SLC25A21: variants seen among roughly 807,000 people sequenced by gnomAD.
SLC25A21 encodes the protein solute carrier family 25 member 21, also known as mitochondrial 2-oxodicarboxylate carrier.
In SLC25A21, 47 loss-of-function variants were observed where a neutral mutation model predicts 43.8. The observed-to-expected ratio is 1.07, with a 90% CI of 0.85 to 1.37. The LOEUF is 1.37. SLC25A21 is among the 40% of genes most tolerant of loss of function. The pLI is 0.00. For missense variants in SLC25A21, 352 were observed against 350.2 expected (o/e 1.00, Z -0.04); for synonymous variants, 131 against 121.3 (o/e 1.08, Z -0.52).
chr14:36,861,022 A>G (rs1890051229), intron 2 of SLC25A21, among the ~76,000 whole-genome samples: 1 of 152,210 alleles, frequency 6.6e-6, no homozygotes, highest in Non-Finnish European at 1.5e-5. Flanking sequence ...AACTTGGCCC[A>G]GAGTATGTAG....
intron 6 of SLC25A21, chr14:36,725,066 CTT>C (rs1884537692): frequency 6.6e-6 from 1 of 152,266 alleles, no homozygotes; most frequent in Non-Finnish European, 1.5e-5. Flanking sequence ...TTTGTTAACA[CTT>C]TACTTGCAGG....
intron 1 of SLC25A21, among the ~76,000 whole-genome samples, chr14:36,985,372 AT>A (rs1048570846): frequency 1.1e-4 from 17 of 152,072 alleles, no homozygotes; most frequent in African/African-American, 3.9e-4. Context: ...TTTAAAAAAA[AT>A]GTGAACCATG....
chr14:36,685,050 G>T, intron 7 of SLC25A21, 125 bp from the exon 8 acceptor site: 1 of 656,806 alleles, frequency 1.5e-6, no homozygotes, highest in Non-Finnish European at 2.4e-6. Flanking sequence ...TTATTCCAGC[G>T]GAACACATTA....
intron 1 of SLC25A21, among the ~76,000 whole-genome samples, chr14:37,158,768 A>C (rs2138945346): frequency 6.6e-6 from 1 of 152,300 alleles, no homozygotes; most frequent in East Asian, 1.9e-4. Flanking sequence ...AAAGGCATTC[A>C]GATTGGAAAA....
At chr14:36,934,740 G>A (rs934921821) in intron 1 of SLC25A21, among the ~76,000 whole-genome samples, 1 of 143,504 alleles carries the variant, frequency 7.0e-6, no homozygotes, top group African/African-American at 2.5e-5. Flanking sequence ...GAGAGAGAGA[G>A]AAAAGAAGAA....
intron 7 of SLC25A21, among the ~76,000 whole-genome samples, chr14:36,707,484 C>T (rs1883626610): frequency 6.6e-6 from 1 of 152,100 alleles, no homozygotes; most frequent in African/African-American, 2.4e-5. Flanking sequence ...CAGCCCCCAA[C>T]CTAAGGAGCC....
intron 1 of SLC25A21, among the ~76,000 whole-genome samples, chr14:37,075,736 T>C (rs1371653685): frequency 6.6e-6 from 1 of 152,212 alleles, no homozygotes; most frequent in Non-Finnish European, 1.5e-5. Context: ...TTAAGATATA[T>C]AGGGTGGTAA....
At chr14:37,080,560 A>T (rs2138837545) in intron 1 of SLC25A21, among the ~76,000 whole-genome samples, 1 of 152,354 alleles carries the variant, frequency 6.6e-6, no homozygotes, top group East Asian at 1.9e-4. Context: ...TGATCGTGCC[A>T]CTGCACTTCC....
chr14:36,720,964 G>C (rs1243933106), intron 6 of SLC25A21, among the ~76,000 whole-genome samples: 1 of 152,212 alleles, frequency 6.6e-6, no homozygotes, highest in Non-Finnish European at 1.5e-5. Flanking sequence ...GGCACACTGA[G>C]GGAGAAGACC....
chr14:37,027,017 T>G (rs1366759744), intron 1 of SLC25A21, among the ~76,000 whole-genome samples: 1 of 152,132 alleles, frequency 6.6e-6, no homozygotes, highest in Admixed American at 6.6e-5. Flanking sequence ...CTTAGGAAAT[T>G]GTTTAAGCTA....
At chr14:36,731,005 C>T (rs1884800159) in intron 4 of SLC25A21, among the ~76,000 whole-genome samples, 2 of 149,958 alleles carry the variant, frequency 1.3e-5, no homozygotes, top group African/African-American at 4.9e-5. Context: ...TGGAGTCTCG[C>T]TCTGTCGCCC....
chr14:36,883,116 A>G (rs1258079186), intron 1 of SLC25A21, among the ~76,000 whole-genome samples: 2 of 152,086 alleles, frequency 1.3e-5, no homozygotes, highest in Non-Finnish European at 2.9e-5. Flanking sequence ...CTTTTAAATT[A>G]GAAGTCATTT....
intron 3 of SLC25A21, among the ~76,000 whole-genome samples, chr14:36,765,056 A>G (rs1046862147): frequency 1.1e-4 from 16 of 152,202 alleles, no homozygotes; most frequent in African/African-American, 3.9e-4. Context: ...TCCTTGACCA[A>G]TAGAATATGG....
intron 3 of SLC25A21, among the ~76,000 whole-genome samples, chr14:36,763,450 T>C (rs1391223388): frequency 2.0e-5 from 3 of 152,286 alleles, no homozygotes; most frequent in Admixed American, 6.5e-5. Context: ...TATTACACTA[T>C]TACAAAGGGG....
At chr14:36,906,461 T>C (rs1361607113) in intron 1 of SLC25A21, among the ~76,000 whole-genome samples, 1 of 151,612 alleles carries the variant, frequency 6.6e-6, no homozygotes, top group Non-Finnish European at 1.5e-5. Context: ...AATGCATGGA[T>C]GATGAAGCAA....
chr14:36,972,041 T>C (rs1402310514), intron 1 of SLC25A21, among the ~76,000 whole-genome samples: 1 of 152,220 alleles, frequency 6.6e-6, no homozygotes, highest in Admixed American at 6.5e-5. Context: ...GCAGATTATA[T>C]GTATGATAAT....
chr14:37,107,440 C>A (rs1369183161), intron 1 of SLC25A21, among the ~76,000 whole-genome samples: 1 of 152,114 alleles, frequency 6.6e-6, no homozygotes, highest in Non-Finnish European at 1.5e-5. Flanking sequence ...TTCTCTCCCT[C>A]CCAAAGTGCT....
chr14:37,139,072 G>A (rs1044833011), intron 1 of SLC25A21, among the ~76,000 whole-genome samples: 47 of 152,096 alleles, frequency 3.1e-4, no homozygotes, highest in African/African-American at 9.4e-4. Flanking sequence ...TACAGGAATC[G>A]CATTAATCCA....
intron 1 of SLC25A21, among the ~76,000 whole-genome samples, chr14:36,878,514 C>A (rs977360732): frequency 9.2e-5 from 14 of 152,006 alleles, no homozygotes; most frequent in Non-Finnish European, 1.9e-4. Flanking sequence ...GACTGTGAGA[C>A]CCTGATTATT....
Sources: gnomAD v4.1 joint callset for allele counts (sites outside exome capture counted in the v4.1 genomes callset) on GRCh38, gnomAD v4.1.1 for gene constraint, MANE v1.5 for transcripts, NCBI Gene and HGNC (gene_info 2026-07-23, HGNC 2026-07-21) for gene names.